Variants in ARHGEF10 observed in about 807,000 individuals in gnomAD.
ARHGEF10 encodes Rho guanine nucleotide exchange factor 10.
In ARHGEF10, 140 loss-of-function variants were observed where a neutral mutation model predicts 147.4. That is an observed-to-expected ratio of 0.95 (90% confidence interval 0.83 to 1.09). ARHGEF10 has a LOEUF of 1.09. Among genes scored for constraint, ARHGEF10 ranks in the 50% least tolerant of loss-of-function variants. The pLI, the probability that ARHGEF10 is intolerant of heterozygous loss-of-function variation, is 0.00. For synonymous variants in ARHGEF10, 902 were observed against 695.8 expected, an observed-to-expected ratio of 1.30 and a Z score of -4.67; for missense variants, 2,222 against 1,752.7, an observed-to-expected ratio of 1.27 and a Z score of -4.78.
At chr8:1,950,180 G>C (rs552053371) in intron 27 of ARHGEF10, among the ~76,000 whole-genome samples, 4 of 152,266 alleles carry the variant, frequency 2.6e-5, no homozygotes, top group Admixed American at 1.3e-4. Context: ...CTCCCACCTC[G>C]CCAGCGGACC....
At chr8:1,852,842 C>G (rs1375470161) in intron 2 of ARHGEF10, among the ~76,000 whole-genome samples, 1 of 152,218 alleles carries the variant, frequency 6.6e-6, no homozygotes, top group Non-Finnish European at 1.5e-5. Flanking sequence ...CGGAAACAGT[C>G]TGAATCCTGA....
chr8:1,870,483 A>T (rs546813621), intron 7 of ARHGEF10: 32 of 152,314 alleles, frequency 2.1e-4, no homozygotes, highest in Admixed American at 7.2e-4. Flanking sequence ...AAATCCTCAG[A>T]TTGGATAAAA....
intron 7 of ARHGEF10, among the ~76,000 whole-genome samples, chr8:1,871,361 AT>A (rs974554707): frequency 1.3e-5 from 2 of 152,146 alleles, no homozygotes; most frequent in Non-Finnish European, 2.9e-5. Context: ...GTAAAAAAAA[AT>A]CAATACAAAC....
intron 1 of ARHGEF10, among the ~76,000 whole-genome samples, chr8:1,828,142 G>C (rs943138384): frequency 6.6e-6 from 1 of 152,208 alleles, no homozygotes; most frequent in Non-Finnish European, 1.5e-5. Context: ...GGCCCTTTTC[G>C]GCACCAGGTG....
At chr8:1,876,141 T>C (rs917460316) in intron 7 of ARHGEF10, 1 of 219,068 alleles carries the variant, frequency 4.6e-6, no homozygotes, top group African/African-American at 2.3e-5. Flanking sequence ...CCCATATTTC[T>C]ATAATCCACC....
intron 1 of ARHGEF10, among the ~76,000 whole-genome samples, chr8:1,836,955 A>G (rs1237014752): frequency 3.3e-5 from 5 of 152,180 alleles, no homozygotes; most frequent in Non-Finnish European, 5.9e-5. Flanking sequence ...TTCACCTCCC[A>G]CAATGATTCT....
chr8:1,874,903 T>TAAGC (rs1807544863), intron 7 of ARHGEF10, among the ~76,000 whole-genome samples: 2 of 22,272 alleles, frequency 9.0e-5, no homozygotes, highest in African/African-American at 3.4e-4. Context: ...CGGGGCCGTG[T>TAAGC]AGGGGGTACA....
intron 27 of ARHGEF10, among the ~76,000 whole-genome samples, chr8:1,950,201 T>C (rs892087750): frequency 1.6e-4 from 25 of 152,194 alleles, no homozygotes; most frequent in African/African-American, 6.0e-4. Context: ...TCACGTGGGC[T>C]CCAACTCCCG....
Position 1,923,771 on chromosome 8 carries a change from C to T in ARHGEF10, c.2388-3C>T. On this transcript the variant is annotated splice_region_variant and splice_polypyrimidine_tract_variant and intron_variant, in intron 20 of 28. Coordinates refer to ENST00000349830, the MANE Select transcript of ARHGEF10 (RefSeq NM_014629.4). ...ATGAATGCTTGTCTGTTGTTTCTGG[C>T]AGATCTGGGCGACCGACGTTCTTTA... 4 of 1,614,172 alleles carry T rather than the reference C, an allele frequency of 2.5e-6. No individual in the cohort carries two copies. Among genetic ancestry groups the T allele is most frequent in the South Asian group, 1.1e-5 (1 of 91,076 alleles).
chr8:1,849,855 CACAGACAGCAA>C, intron 2 of ARHGEF10, among the ~76,000 whole-genome samples: 1 of 132,932 alleles, frequency 7.5e-6, no homozygotes, highest in African/African-American at 3.1e-5. Flanking sequence ...GCCACGTGGA[CACAGACAGCAA>C]ATGCTGAGGA....
At chr8:1,873,567 CG>C (rs1807347138) in intron 7 of ARHGEF10, among the ~76,000 whole-genome samples, 1 of 126,686 alleles carries the variant, frequency 7.9e-6, no homozygotes, top group African/African-American at 3.7e-5. Flanking sequence ...TGAGAGGTGC[CG>C]CGGGGTAGTG....
chr8:1,870,233 A>ATTTTTTTT (rs60029592), intron 7 of ARHGEF10: 3 of 98,766 alleles, frequency 3.0e-5, no homozygotes, highest in African/African-American at 8.1e-5. Flanking sequence ...CTTGTTACCG[A>ATTTTTTTT]TTTTTTTTTT....
chr8:1,951,357 C>A (rs1044221397), intron 27 of ARHGEF10, among the ~76,000 whole-genome samples: 3 of 152,246 alleles, frequency 2.0e-5, no homozygotes, highest in African/African-American at 7.2e-5. Flanking sequence ...CAGGACAGCG[C>A]TGTGGATTCA....
chr8:1,883,767 G>A (rs1450677293), intron 10 of ARHGEF10, among the ~76,000 whole-genome samples: 2 of 151,894 alleles, frequency 1.3e-5, no homozygotes, highest in African/African-American at 4.8e-5. Context: ...CCTTTGAGGA[G>A]GTGGCCATAT....
At chr8:1,842,696 G>C (rs10112549) in intron 1 of ARHGEF10, among the ~76,000 whole-genome samples, 47,843 of 152,198 alleles carry the variant, frequency 0.31, 8,591 homozygotes, top group Non-Finnish European at 0.4. Flanking sequence ...AGCCAGGCCC[G>C]TGTTTTGTGG....
intron 8 of ARHGEF10, 56 bp downstream of exon 8, chr8:1,876,790 G>T: frequency 2.5e-6 from 4 of 1,583,122 alleles, no homozygotes; most frequent in Middle Eastern, 3.5e-4. Context: ...ACGGACAGGG[G>T]GCTGTGAATA....
chr8:1,869,584 G>C (rs901302544), intron 7 of ARHGEF10: 1 of 446,104 alleles, frequency 2.2e-6, no homozygotes, highest in Non-Finnish European at 4.1e-6. Context: ...AGAAAGTAGA[G>C]AGAATCAGGC....
chr8:1,888,189 T>TTGCGAGGAGACAGTGAGTGGGGTGAGGG (rs1563233846), intron 11 of ARHGEF10, among the ~76,000 whole-genome samples: 2 of 32,034 alleles, frequency 6.2e-5, no homozygotes, highest in African/African-American at 9.8e-4. Flanking sequence ...GGGGTGAGGG[T>TTGCGAGGAGACAGTGAGTGGGGTGAGGG]TTGCGAGGAG....
intron 26 of ARHGEF10, among the ~76,000 whole-genome samples, chr8:1,936,159 C>A (rs569786000): frequency 2.6e-5 from 4 of 152,150 alleles, no homozygotes; most frequent in Non-Finnish European, 5.9e-5. Context: ...CCCACTGTCC[C>A]TAAACAAACT....
Sources: gnomAD v4.1 joint callset for allele counts (sites outside exome capture counted in the v4.1 genomes callset) on GRCh38, gnomAD v4.1.1 for gene constraint, MANE v1.5 for transcripts, NCBI Gene and HGNC (gene_info 2026-07-23, HGNC 2026-07-21) for gene names.